The following FAT4 variants were observed in gnomAD, a reference collection of about 807,000 sequenced individuals.
The protein encoded by FAT4 is protocadherin Fat 4.
A neutral mutation model predicts 303.9 loss-of-function variants in FAT4; 84 were observed. That is an observed-to-expected ratio of 0.28 (90% CI 0.23 to 0.33). The LOEUF is 0.33. Among genes scored for constraint, FAT4 ranks in the 10% least tolerant of loss-of-function variants. The probability of loss-of-function intolerance (pLI) is 1.00; values close to 1 mark genes in which losing one functional copy is unlikely to be tolerated. For synonymous variants in FAT4, 2,307 were observed against 2,298.8 expected, an observed-to-expected ratio of 1.00 and a Z score of -0.10; for missense variants, 6,005 against 6,146.8, an observed-to-expected ratio of 0.98 and a Z score of 0.77.
At chr4:125,373,507 C>T (rs2125993294) in intron 2 of FAT4, among the ~76,000 whole-genome samples, 1 of 152,234 alleles carries the variant, frequency 6.6e-6, no homozygotes. Flanking sequence ...ATTTCTAAAA[C>T]TATAATCTAT....
At chr4:125,389,464 T>G (rs1357348398) in intron 2 of FAT4, among the ~76,000 whole-genome samples, 2 of 152,208 alleles carry the variant, frequency 1.3e-5, no homozygotes, top group Non-Finnish European at 2.9e-5. Flanking sequence ...TTCTTCTAGT[T>G]CTAAAGAAAA....
intron 7 of FAT4, among the ~76,000 whole-genome samples, chr4:125,428,209 A>C (rs1258237881): frequency 6.6e-6 from 1 of 152,094 alleles, no homozygotes; most frequent in African/African-American, 2.4e-5. Flanking sequence ...GAGCCAGGAG[A>C]ATCGCTTGAA....
At chr4:125,446,630 C>A in intron 9 of FAT4, 87 bp downstream of exon 9, 1 of 1,299,244 alleles carries the variant, frequency 7.7e-7, no homozygotes, top group Non-Finnish European at 1.0e-6. Flanking sequence ...ATTTTACATA[C>A]ATATTTCTGA....
At chr4:125,323,528 A>G (rs972235738) in intron 2 of FAT4, among the ~76,000 whole-genome samples, 7 of 152,162 alleles carry the variant, frequency 4.6e-5, no homozygotes, top group African/African-American at 1.4e-4. Context: ...ATTAAAAAAA[A>G]GTCAGCATAT....
At chr4:125,404,425 C>T (rs1383043214) in intron 3 of FAT4, among the ~76,000 whole-genome samples, 1 of 152,120 alleles carries the variant, frequency 6.6e-6, no homozygotes, top group African/African-American at 2.4e-5. Flanking sequence ...TATACCGATA[C>T]TCTAACATTT....
intron 2 of FAT4, among the ~76,000 whole-genome samples, chr4:125,387,475 G>A (rs555730360): frequency 6.6e-6 from 1 of 152,050 alleles, no homozygotes; most frequent in East Asian, 1.9e-4. Flanking sequence ...TTGTGTTTTT[G>A]TTTTGTTTTT....
At chr4:125,363,541 C>G (rs1732751958) in intron 2 of FAT4, among the ~76,000 whole-genome samples, 1 of 151,518 alleles carries the variant, frequency 6.6e-6, no homozygotes, top group Admixed American at 6.6e-5. Flanking sequence ...GTATTGCCAG[C>G]CTGGAGTGCA....
At chr4:125,342,754 C>A (rs754621823) in intron 2 of FAT4, among the ~76,000 whole-genome samples, 141 of 151,752 alleles carry the variant, frequency 9.3e-4, no homozygotes, top group Non-Finnish European at 8.4e-4. Flanking sequence ...GAATGAAACA[C>A]AATTTTATAT....
intron 16 of FAT4, among the ~76,000 whole-genome samples, chr4:125,484,060 T>TAC (rs34883833): frequency 0.023 from 3,179 of 138,198 alleles, 32 homozygotes; most frequent in Middle Eastern, 0.035. Flanking sequence ...CAGACACACA[T>TAC]ACACACACAC....
intron 11 of FAT4, among the ~76,000 whole-genome samples, chr4:125,465,823 A>G (rs886508127): frequency 6.6e-6 from 1 of 152,244 alleles, no homozygotes; most frequent in African/African-American, 2.4e-5. Context: ...GTCAGTTGAC[A>G]ACATAAGCAC....
In FAT4 at chr4:125,448,580, A is replaced by G. The variant is rs1045679003; in HGVS notation, c.7570A>G (p.Ile2524Val). The change falls in exon 10 of 18, where the codon ATT (isoleucine) becomes GTT (valine). Residue 2524 changes from isoleucine (I) to valine (V), a missense_variant. Physicochemically the swap from Ile to Val is conservative, Grantham distance 29. Coordinates refer to ENST00000394329, the MANE Select transcript of FAT4 (RefSeq NM_001291303.3). ...KFHIDPLRGA[I>V]MAAGPLNGAS... is the part of the protein sequence containing the mutation. The stretch of plus-strand genomic sequence containing the variant: ...TCACATTGACCCACTGAGGGGAGCC[A>G]TTATGGCCGCCGGACCACTAAACGG... The G allele has an allele frequency of 6.2e-7, 1 of 1,614,002 alleles. No homozygotes were observed. Among genetic ancestry groups the G allele is most frequent in the African/African-American group, 1.3e-5 (1 of 75,042 alleles).
chr4:125,392,451 T>C (rs1199207577), intron 2 of FAT4, among the ~76,000 whole-genome samples: 2 of 152,206 alleles, frequency 1.3e-5, no homozygotes, highest in Non-Finnish European at 2.9e-5. Context: ...CTGTCTATCC[T>C]GCCAACTATT....
At chr4:125,444,769 T>A (rs933612897) in intron 8 of FAT4, among the ~76,000 whole-genome samples, 2 of 152,164 alleles carry the variant, frequency 1.3e-5, no homozygotes, top group Non-Finnish European at 2.9e-5. Context: ...AAAAAGTTTA[T>A]GGCAGCATGG....
rs1368453818 is a variant in FAT4, at chr4:125,360,920, AT to A, written c.5176-37860del. On this transcript the variant is annotated intron_variant, in intron 2 of 17. Transcript: ENST00000394329. ...TAAATTTTTTATTTATTTATTATTT[AT>A]TTTATTTATTTATTTTATTATTTTT... Among the ~76,000 whole-genome samples the A allele has an allele frequency of 1.4e-3, 187 of 130,656 alleles. 1 individual carries two copies. The highest frequency in any genetic ancestry group is 3.8e-3 in the Middle Eastern group (1 of 260). The allele number at this position is 130,656 out of a possible 152,430, so 85.7% of individuals were successfully genotyped here.
chr4:125,468,851 TC>T (rs1419193979), intron 12 of FAT4, 32 bp downstream of exon 12: 5 of 1,571,134 alleles, frequency 3.2e-6, no homozygotes, highest in African/African-American at 1.4e-5. Flanking sequence ...TTGTTGTATA[TC>T]CAACTGGATC....
rs189231533 is a variant in FAT4, at chr4:125,439,224, A to G, written c.7199+4799A>G. Among the ~76,000 whole-genome samples, 311 of 152,146 alleles carry G rather than the reference A, an allele frequency of 2.0e-3. 2 individuals are homozygous for G. The highest frequency in any genetic ancestry group is 6.8e-3 in the African/African-American group (283 of 41,518). On this transcript the variant is annotated intron_variant, in intron 8 of 17. Transcript: ENST00000394329. ...ACAGATATGTATCCCCTTTTCTCCC[A>G]ACTGGACCAAATCTCTATTCAAGCC...
Position 125,320,297 on chromosome 4 carries a change from A to T in FAT4, c.3886A>T (p.Asn1296Tyr). 1 of 1,613,872 alleles carries T rather than the reference A, an allele frequency of 6.2e-7. No individual in the cohort carries two copies. Among genetic ancestry groups the T allele is most frequent in the Non-Finnish European group, 8.5e-7 (1 of 1,179,764 alleles). Reference protein sequence around the residue: ...QAVDSGTIPLNSTCTLNIDIL... With the variant: ...QAVDSGTIPLYSTCTLNIDIL... ...AGTGGATTCAGGGACAATCCCCCTC[A>T]ATTCAACGTGTACTTTAAATATTGA... is the stretch of plus-strand genomic sequence containing the variant. Residue 1296 changes from asparagine to tyrosine, a missense_variant, in exon 2 of 18, where the codon AAT becomes TAT. Asn to Tyr is a moderately radical substitution (Grantham distance 143). Coordinates refer to ENST00000394329, the MANE Select transcript of FAT4 (RefSeq NM_001291303.3).
At chr4:125,477,055 A>G in intron 13 of FAT4, 100 bp from the exon 14 acceptor site, 1 of 905,322 alleles carries the variant, frequency 1.1e-6, no homozygotes, top group Non-Finnish European at 1.5e-6. Flanking sequence ...ACTATAATAA[A>G]TGTCAAAAAA....
intron 2 of FAT4, among the ~76,000 whole-genome samples, chr4:125,339,680 C>G (rs1224436116): frequency 6.6e-6 from 1 of 152,080 alleles, no homozygotes; most frequent in Non-Finnish European, 1.5e-5. Flanking sequence ...GTTGTTATTA[C>G]CATTTCACTG....
Sources: allele counts gnomAD v4.1 joint callset (sites outside exome capture counted in the v4.1 genomes callset), GRCh38; gene constraint gnomAD v4.1.1; transcripts MANE v1.5; gene names NCBI Gene and HGNC (gene_info 2026-07-23, HGNC 2026-07-21).